The following SYNE1 variants were observed in gnomAD, a reference collection of about 807,000 sequenced individuals.
SYNE1 encodes nesprin-1.
Under a neutral mutation model 1,111.0 loss-of-function variants are expected in SYNE1, and 616 were observed. The observed-to-expected ratio is 0.55, with a 90% CI of 0.52 to 0.59. SYNE1 has a LOEUF of 0.59. Ranked by LOEUF, SYNE1 falls within the 20% of genes least tolerant of loss-of-function variation. The probability of loss-of-function intolerance (pLI) is 0.00; values close to 1 mark genes in which losing one functional copy is unlikely to be tolerated. For missense variants in SYNE1, 10,006 were observed against 10,417.0 expected, an observed-to-expected ratio of 0.96 and a Z score of 1.72; for synonymous variants, 3,855 against 3,825.8, an observed-to-expected ratio of 1.01 and a Z score of -0.28.
intron 127 of SYNE1, among the ~76,000 whole-genome samples, chr6:152,193,938 A>G (rs909689013): frequency 1.2e-4 from 18 of 151,486 alleles, no homozygotes; most frequent in Admixed American, 5.3e-4. Flanking sequence ...GCATGAACCC[A>G]GGAGGCAGAG....
chr6:152,206,081 A>G, intron 126 of SYNE1, 87 bp downstream of exon 126: 5 of 1,268,170 alleles, frequency 3.9e-6, no homozygotes, highest in Non-Finnish European at 5.7e-6. Context: ...TGATCTTTGC[A>G]TTATTTGATT....
intron 5 of SYNE1, among the ~76,000 whole-genome samples, chr6:152,525,011 C>T (rs1303091564): frequency 1.3e-5 from 2 of 152,164 alleles, no homozygotes; most frequent in Non-Finnish European, 2.9e-5. Flanking sequence ...CAGACAGATA[C>T]TACGAGTGCT....
At chr6:152,305,454 G>A (rs374425504) in intron 91 of SYNE1, among the ~76,000 whole-genome samples, 76 of 151,986 alleles carry the variant, frequency 5.0e-4, no homozygotes, top group African/African-American at 1.7e-3. Context: ...TAGTAGAGAC[G>A]GGGTTTCACC....
In SYNE1 at chr6:152,354,996, G is replaced by T. The variant is rs1390584506; in HGVS notation, c.10609-20C>A. The T allele has an allele frequency of 9.9e-6, 16 of 1,611,874 alleles. No homozygotes were observed. The highest frequency in any genetic ancestry group is 1.3e-5 in the African/African-American group (1 of 74,882). ...TAGCTCCTGCAGAGAAAAAGGTATG[G>T]CTGTCACTCTCAATCATATTTCACA... On this transcript the variant is annotated intron_variant, in intron 66 of 145. Transcript: ENST00000367255.
chr6:152,585,121 G>A (rs1185853339), intron 3 of SYNE1, among the ~76,000 whole-genome samples: 1 of 151,734 alleles, frequency 6.6e-6, no homozygotes, highest in East Asian at 1.9e-4. Context: ...GGTTTTATGA[G>A]GGGCTTTTCC....
chr6:152,564,491 A>AT (rs1422398086), intron 3 of SYNE1, among the ~76,000 whole-genome samples: 1 of 151,870 alleles, frequency 6.6e-6, no homozygotes, highest in Non-Finnish European at 1.5e-5. Flanking sequence ...TAATTTTTGT[A>AT]TTTTTTGTAG....
At chr6:152,463,262 G>T in intron 19 of SYNE1, 91 bp downstream of exon 19, 1 of 1,573,492 alleles carries the variant, frequency 6.4e-7, no homozygotes, top group African/African-American at 1.3e-5. Flanking sequence ...TAATAAACCC[G>T]TGCTCTAAAA....
At chr6:152,450,270 C>T (rs1001801141) in intron 27 of SYNE1, among the ~76,000 whole-genome samples, 1 of 152,186 alleles carries the variant, frequency 6.6e-6, no homozygotes, top group East Asian at 1.9e-4. Flanking sequence ...TTGTAAGTTT[C>T]CTGAGGCCTC....
At chr6:152,500,681 G>A (rs1199552944) in intron 10 of SYNE1, among the ~76,000 whole-genome samples, 1 of 152,038 alleles carries the variant, frequency 6.6e-6, no homozygotes, top group Non-Finnish European at 1.5e-5. Flanking sequence ...CAGGTGTGGT[G>A]GCTCACGCCT....
chr6:152,451,693 G>A (rs1247413454), intron 25 of SYNE1, among the ~76,000 whole-genome samples: 1 of 151,820 alleles, frequency 6.6e-6, no homozygotes, highest in Non-Finnish European at 1.5e-5. Flanking sequence ...AGTTGGTCAG[G>A]ATGGTCTTGA....
chr6:152,303,664 A>C (rs931924076), intron 91 of SYNE1, among the ~76,000 whole-genome samples: 2 of 152,160 alleles, frequency 1.3e-5, no homozygotes, highest in Non-Finnish European at 2.9e-5. Flanking sequence ...CATCTTCCCA[A>C]ATACTTTAAA....
intron 3 of SYNE1, among the ~76,000 whole-genome samples, chr6:152,620,385 A>G (rs1010683486): frequency 2.0e-5 from 3 of 152,128 alleles, no homozygotes; most frequent in Admixed American, 6.5e-5. Context: ...CTGTGCTGAC[A>G]ACGTCCAAAT....
chr6:152,302,647 C>T (rs2095237772), intron 91 of SYNE1, among the ~76,000 whole-genome samples: 1 of 152,120 alleles, frequency 6.6e-6, no homozygotes, highest in Non-Finnish European at 1.5e-5. Context: ...ATTTTTAATG[C>T]AGATTGACCC....
At chr6:152,454,150 TGA>T (rs2098675598) in intron 24 of SYNE1, among the ~76,000 whole-genome samples, 1 of 149,038 alleles carries the variant, frequency 6.7e-6, no homozygotes, top group African/African-American at 2.6e-5. Flanking sequence ...TGCTTCATCA[TGA>T]GCCATTGTCA....
intron 8 of SYNE1, among the ~76,000 whole-genome samples, 180 bp from the exon 9 acceptor site, chr6:152,505,577 C>T (rs902003311): frequency 3.3e-5 from 5 of 152,078 alleles, no homozygotes; most frequent in Admixed American, 1.3e-4. Flanking sequence ...GATAAGATGT[C>T]GAAATTCTGG....
chr6:152,384,389 G>A (rs1437169970), intron 55 of SYNE1, among the ~76,000 whole-genome samples: 2 of 152,174 alleles, frequency 1.3e-5, no homozygotes, highest in East Asian at 3.8e-4. Context: ...TGAATAAATG[G>A]ATAGATGGGT....
Position 152,331,493 on chromosome 6 carries a change from G to C in SYNE1, c.13192C>G (p.Gln4398Glu). 6.2e-7 allele frequency: 1 copy of C among 1,614,042 alleles called. No individual in the cohort carries two copies. The highest frequency in any genetic ancestry group is 8.5e-7 in the Non-Finnish European group (1 of 1,179,984). Reference sequence around the variant, plus strand: ...TTTATAAGCGATTTCAGGAGCATCTGCTTGGCCTCCAGTTCACTGCAGATG... The same window carrying C: ...TTTATAAGCGATTTCAGGAGCATCTCCTTGGCCTCCAGTTCACTGCAGATG... ...LAICSELEAKQMLLKSLIKDA... is the reference protein window; with the variant it reads ...LAICSELEAKEMLLKSLIKDA... Residue 4398 changes from glutamine to glutamate, a missense_variant, in exon 78 of 146, where the codon CAG becomes GAG. By Grantham distance (29) the Gln-to-Glu change is conservative. Transcript: ENST00000367255.
intron 41 of SYNE1, among the ~76,000 whole-genome samples, chr6:152,415,770 A>T (rs2154180668): frequency 6.9e-6 from 1 of 144,346 alleles, no homozygotes; most frequent in South Asian, 2.2e-4. Context: ...ATTAGTCGTT[A>T]ATCTTATCTT....
chr6:152,256,799 A>C (rs1420289560), intron 101 of SYNE1, 34 bp from the exon 102 acceptor site: 9 of 1,611,292 alleles, frequency 5.6e-6, no homozygotes, highest in Non-Finnish European at 7.6e-6. Flanking sequence ...GTTGAAGAGC[A>C]TATGCATTAT....
Sources: allele counts gnomAD v4.1 joint callset (sites outside exome capture counted in the v4.1 genomes callset), GRCh38; gene constraint gnomAD v4.1.1; transcripts MANE v1.5; gene names NCBI Gene and HGNC (gene_info 2026-07-23, HGNC 2026-07-21).